ANLN: variants seen among roughly 807,000 people sequenced by gnomAD.
ANLN encodes the protein anillin, actin binding protein.
Under a neutral mutation model 135.1 loss-of-function variants are expected in ANLN, and 59 were observed. That is an observed-to-expected ratio of 0.44 (90% confidence interval 0.35 to 0.54). The LOEUF (loss-of-function observed/expected upper bound fraction) is 0.54. Among genes scored for constraint, ANLN ranks in the 20% least tolerant of loss-of-function variants. The pLI is 0.00. For missense variants in ANLN, 1,182 were observed against 1,340.0 expected (o/e 0.88, Z 1.84); for synonymous variants, 406 against 456.4 (o/e 0.89, Z 1.41).
intron 4 of ANLN, among the ~76,000 whole-genome samples, chr7:36,407,064 A>T (rs1480251465): frequency 6.6e-6 from 1 of 152,208 alleles, no homozygotes; most frequent in Non-Finnish European, 1.5e-5. Flanking sequence ...TTACCTCAAC[A>T]GTTTTCAAAA....
intron 21 of ANLN, among the ~76,000 whole-genome samples, chr7:36,439,987 C>G (rs1301773597): frequency 1.3e-5 from 2 of 152,166 alleles, no homozygotes; most frequent in African/African-American, 4.8e-5. Flanking sequence ...ATCATTCTGA[C>G]CAATGTGGAA....
chr7:36,407,939 A>G lies in ANLN; in HGVS notation c.1079A>G (p.Asp360Gly). The change falls in exon 5 of 24, where the codon GAC becomes GGC. Residue 360 changes from aspartate to glycine, a missense_variant. By Grantham distance (94) the Asp-to-Gly change is moderately conservative. Coordinates refer to ENST00000265748, the MANE Select transcript of ANLN (RefSeq NM_018685.5). ...ATTTGTCTGCAATCTCAATCTAAAG[A>G]CAAATCTACGACACCAGGTTACGTA... Reference protein sequence around the residue: ...REICLQSQSKDKSTTPGGTGI... With the variant: ...REICLQSQSKGKSTTPGGTGI... 1 of 1,613,142 alleles carries G rather than the reference A, an allele frequency of 6.2e-7. No individual in the cohort carries two copies. Among genetic ancestry groups the G allele is most frequent in the Non-Finnish European group, 8.5e-7 (1 of 1,179,384 alleles).
chr7:36,393,697 G>A (rs923806993), intron 1 of ANLN, among the ~76,000 whole-genome samples: 1 of 152,156 alleles, frequency 6.6e-6, no homozygotes, highest in African/African-American at 2.4e-5. Flanking sequence ...ATCAGTTCAT[G>A]GTTGGTGGTC....
intron 1 of ANLN, among the ~76,000 whole-genome samples, chr7:36,396,023 T>G (rs1286845584): frequency 6.6e-6 from 1 of 152,110 alleles, no homozygotes; most frequent in Admixed American, 6.5e-5. Context: ...CAGAAAAAAT[T>G]TGTGGCCGTT....
chr7:36,419,505 C>G (rs960978670), intron 10 of ANLN, 26 bp downstream of exon 10: 2 of 1,584,644 alleles, frequency 1.3e-6, no homozygotes, highest in African/African-American at 2.7e-5. Context: ...CTAAACAGGC[C>G]CAGGACATAA....
chr7:36,408,986 G>A (rs1450101798), intron 5 of ANLN, among the ~76,000 whole-genome samples: 2 of 152,156 alleles, frequency 1.3e-5, no homozygotes, highest in Non-Finnish European at 2.9e-5. Flanking sequence ...AACCTCTGCA[G>A]AAACTATAGT....
intron 23 of ANLN, among the ~76,000 whole-genome samples, chr7:36,451,851 A>G (rs1789258509): frequency 6.6e-6 from 1 of 152,220 alleles, no homozygotes; most frequent in South Asian, 2.1e-4. Flanking sequence ...TGCCCCATCA[A>G]CTAGTTATTT....
chr7:36,396,896 T>A (rs1482133159), intron 2 of ANLN, among the ~76,000 whole-genome samples: 1 of 152,114 alleles, frequency 6.6e-6, no homozygotes, highest in African/African-American at 2.4e-5. Context: ...AAAGTTTAGG[T>A]TGTTAATCTC....
At chr7:36,398,159 T>C (rs982269449) in intron 2 of ANLN, among the ~76,000 whole-genome samples, 1 of 148,032 alleles carries the variant, frequency 6.8e-6, no homozygotes, top group Non-Finnish European at 1.5e-5. Context: ...ATATGCCTTA[T>C]GGTTCTGATA....
intron 2 of ANLN, among the ~76,000 whole-genome samples, chr7:36,397,546 T>C (rs1369508373): frequency 3.3e-5 from 5 of 152,148 alleles, no homozygotes; most frequent in Non-Finnish European, 7.3e-5. Context: ...AATTATTAGA[T>C]GTGTTCATAG....
intron 6 of ANLN, among the ~76,000 whole-genome samples, 176 bp downstream of exon 6, chr7:36,410,880 C>T (rs1246813344): frequency 1.3e-5 from 2 of 151,928 alleles, no homozygotes; most frequent in East Asian, 1.9e-4. Flanking sequence ...TAGACAGTAT[C>T]ACTCATCTCA....
intron 23 of ANLN, among the ~76,000 whole-genome samples, chr7:36,451,075 G>A (rs1035964447): frequency 6.6e-6 from 1 of 152,122 alleles, no homozygotes; most frequent in African/African-American, 2.4e-5. Context: ...TCTCAATTCA[G>A]TCTTGGCTGA....
chr7:36,412,772 C>T (rs1040493219), intron 7 of ANLN, among the ~76,000 whole-genome samples: 1 of 152,208 alleles, frequency 6.6e-6, no homozygotes, highest in African/African-American at 2.4e-5. Flanking sequence ...CCCCACTGCT[C>T]CTCCACAGGT....
intron 9 of ANLN, among the ~76,000 whole-genome samples, chr7:36,418,076 C>T (rs752132577): frequency 2.6e-5 from 4 of 152,116 alleles, no homozygotes; most frequent in Admixed American, 6.5e-5. Flanking sequence ...GAAATACTTA[C>T]GTTTACTGCT....
At chr7:36,450,544 C>G (rs1789199429) in intron 23 of ANLN, among the ~76,000 whole-genome samples, 1 of 152,154 alleles carries the variant, frequency 6.6e-6, no homozygotes, top group Non-Finnish European at 1.5e-5. Flanking sequence ...TAGAAAGCTA[C>G]AGCCAGGAGA....
At chr7:36,448,554 G>A (rs1445227497) in intron 22 of ANLN, among the ~76,000 whole-genome samples, 1 of 151,998 alleles carries the variant, frequency 6.6e-6, no homozygotes, top group Admixed American at 6.6e-5. Context: ...GGGAAGTCAG[G>A]GTTTCAGACT....
intron 3 of ANLN, among the ~76,000 whole-genome samples, chr7:36,404,987 A>G (rs1041602632): frequency 6.6e-6 from 1 of 152,222 alleles, no homozygotes; most frequent in African/African-American, 2.4e-5. Context: ...TGATAAGGAA[A>G]CTGGGAAAGT....
chr7:36,413,181 A>G (rs959859614), intron 7 of ANLN, among the ~76,000 whole-genome samples: 1 of 151,870 alleles, frequency 6.6e-6, no homozygotes, highest in Non-Finnish European at 1.5e-5. Context: ...ATTATCTGCC[A>G]TCTGAAAAAA....
intron 20 of ANLN, among the ~76,000 whole-genome samples, chr7:36,428,532 T>G (rs1039029254): frequency 5.3e-5 from 8 of 152,162 alleles, no homozygotes; most frequent in Non-Finnish European, 1.0e-4. Context: ...TTTTCTCCAC[T>G]CTCAATACTT....
Sources: gnomAD v4.1 joint callset for allele counts (sites outside exome capture counted in the v4.1 genomes callset) on GRCh38, gnomAD v4.1.1 for gene constraint, MANE v1.5 for transcripts, NCBI Gene and HGNC (gene_info 2026-07-23, HGNC 2026-07-21) for gene names.